TNKS: variants seen among roughly 807,000 people sequenced by gnomAD.
TNKS encodes tankyrase.
Under a neutral mutation model 135.8 loss-of-function variants are expected in TNKS, and 72 were observed. The observed-to-expected ratio is 0.53, with a 90% CI of 0.44 to 0.64. The LOEUF (loss-of-function observed/expected upper bound fraction) is 0.64. TNKS is among the 30% of genes least tolerant of loss of function. The pLI, the probability that TNKS is intolerant of heterozygous loss-of-function variation, is 0.00. For synonymous variants in TNKS, 849 were observed against 649.3 expected (o/e 1.31, Z -4.68); for missense variants, 1,769 against 1,674.0 (o/e 1.06, Z -0.99).
intron 5 of TNKS, among the ~76,000 whole-genome samples, chr8:9,702,080 A>G (rs887738494): frequency 3.3e-5 from 5 of 152,204 alleles, no homozygotes; most frequent in African/African-American, 1.2e-4. Flanking sequence ...CCTACACTAA[A>G]GGCTGCTCTG....
chr8:9,694,994 A>T (rs1219125348), intron 5 of TNKS, among the ~76,000 whole-genome samples: 1 of 152,188 alleles, frequency 6.6e-6, no homozygotes, highest in East Asian at 1.9e-4. Context: ...GCATTATCAG[A>T]GCAAGGAAAC....
At chr8:9,657,916 T>A (rs1193914724) in intron 3 of TNKS, among the ~76,000 whole-genome samples, 3 of 97,254 alleles carry the variant, frequency 3.1e-5, no homozygotes, top group Non-Finnish European at 6.5e-5. Flanking sequence ...GTCTCCTCAC[T>A]TCTCAGACGG....
intron 17 of TNKS, among the ~76,000 whole-genome samples, chr8:9,739,056 G>A (rs1312508622): frequency 6.6e-6 from 1 of 150,658 alleles, no homozygotes; most frequent in Non-Finnish European, 1.5e-5. Context: ...TGACAAATGG[G>A]ATCTAATTAA....
At chr8:9,603,798 G>A (rs865905521) in intron 2 of TNKS, among the ~76,000 whole-genome samples, 1 of 152,064 alleles carries the variant, frequency 6.6e-6, no homozygotes, top group Non-Finnish European at 1.5e-5. Flanking sequence ...ATGTTCTCAA[G>A]AGAAACATAA....
intron 17 of TNKS, among the ~76,000 whole-genome samples, chr8:9,746,662 C>T (rs1049941576): frequency 2.0e-5 from 3 of 152,154 alleles, no homozygotes; most frequent in Admixed American, 6.5e-5. Flanking sequence ...TTCGTAATCT[C>T]CCTGGAGCCC....
At position 9,726,733 on chromosome 8, in the gene TNKS, C is replaced by T. The variant is rs1259294597; in HGVS notation, c.2001+13C>T. The T allele has an allele frequency of 6.2e-7, 1 of 1,602,094 alleles. No homozygotes were observed. The highest frequency in any genetic ancestry group is 8.5e-7 in the Non-Finnish European group (1 of 1,171,480). Reference sequence around the variant, plus strand: ...GGAAACTGTGAAGGTAAGTCAGTGCCCTTAATATCTGGAATAGCACTGTTG... The same window carrying T: ...GGAAACTGTGAAGGTAAGTCAGTGCTCTTAATATCTGGAATAGCACTGTTG... On this transcript the variant is annotated intron_variant, in intron 13 of 26. Transcript: ENST00000310430.
intron 25 of TNKS, among the ~76,000 whole-genome samples, chr8:9,767,023 T>A (rs1357802202): frequency 6.6e-6 from 1 of 152,194 alleles, no homozygotes; most frequent in Non-Finnish European, 1.5e-5. Flanking sequence ...TCCTCTGTAA[T>A]CAGAATATGG....
At chr8:9,611,372 G>C (rs1483997522) in intron 2 of TNKS, among the ~76,000 whole-genome samples, 2 of 152,098 alleles carry the variant, frequency 1.3e-5, no homozygotes, top group Admixed American at 6.5e-5. Flanking sequence ...TTTGTACATT[G>C]TTGGTGTATT....
intron 1 of TNKS, among the ~76,000 whole-genome samples, chr8:9,561,772 C>T (rs1444889290): frequency 6.6e-6 from 1 of 152,112 alleles, no homozygotes; most frequent in African/African-American, 2.4e-5. Context: ...TAAGAAACTG[C>T]CAACACCTTT....
Position 9,780,809 on chromosome 8 carries a change from T to C in TNKS, c.*4073T>C, listed in dbSNP as rs1031616616. On this transcript the variant is annotated 3_prime_UTR_variant, in exon 27 of 27. Coordinates refer to ENST00000310430, the MANE Select transcript of TNKS (RefSeq NM_003747.3). ...ATGATGGTATATTTCATAAGTAATA[T>C]TCCCTTACATGCAATGGAGCTGATT... is the stretch of plus-strand genomic sequence containing the variant. The C allele has an allele frequency of 6.6e-6, 1 of 152,198 alleles. No homozygotes were observed. Among genetic ancestry groups the C allele is most frequent in the Non-Finnish European group, 1.5e-5 (1 of 68,028 alleles). The allele number at this position is 152,198 out of a possible 1,614,324, so 9.4% of individuals were successfully genotyped here.
At chr8:9,769,701 G>C (rs1187076869) in intron 25 of TNKS, among the ~76,000 whole-genome samples, 6 of 138,532 alleles carry the variant, frequency 4.3e-5, no homozygotes, top group African/African-American at 1.6e-4. Context: ...CTCACTGCAA[G>C]CTCCACCTCC....
At chr8:9,653,579 C>T (rs543195630) in intron 3 of TNKS, among the ~76,000 whole-genome samples, 1 of 152,126 alleles carries the variant, frequency 6.6e-6, no homozygotes. Context: ...CACTTTATAA[C>T]AACTCACTCT....
chr8:9,645,307 A>G (rs995215553), intron 3 of TNKS, among the ~76,000 whole-genome samples: 6 of 152,174 alleles, frequency 3.9e-5, no homozygotes, highest in Non-Finnish European at 7.4e-5. Context: ...AGAGAAGCCC[A>G]TTCATACTGG....
chr8:9,609,938 A>C (rs1036647462), intron 2 of TNKS, among the ~76,000 whole-genome samples: 2 of 152,038 alleles, frequency 1.3e-5, no homozygotes, highest in Non-Finnish European at 1.5e-5. Flanking sequence ...GCTCACTGCA[A>C]GCTCCACCTC....
intron 1 of TNKS, chr8:9,575,431 A>G: frequency 1.0e-6 from 1 of 985,168 alleles, no homozygotes; most frequent in Non-Finnish European, 1.2e-6. Flanking sequence ...AGATATCTAG[A>G]CTTATTCTAA....
intron 11 of TNKS, among the ~76,000 whole-genome samples, chr8:9,719,538 A>C (rs914339586): frequency 6.6e-6 from 1 of 152,240 alleles, no homozygotes; most frequent in African/African-American, 2.4e-5. Flanking sequence ...GGAGTAATCA[A>C]AGTCTTCAAG....
chr8:9,644,951 A>T (rs77146549), intron 3 of TNKS, among the ~76,000 whole-genome samples: 1,831 of 152,272 alleles, frequency 0.012, 38 homozygotes, highest in African/African-American at 0.041. Flanking sequence ...CTATAGGCCA[A>T]TGTAAGTCTT....
At chr8:9,583,501 C>CT (rs1293176686) in intron 2 of TNKS, among the ~76,000 whole-genome samples, 3 of 150,278 alleles carry the variant, frequency 2.0e-5, no homozygotes, top group African/African-American at 4.9e-5. Context: ...TTTTTTTTTC[C>CT]TTTTTTGAGA....
intron 5 of TNKS, among the ~76,000 whole-genome samples, chr8:9,696,366 A>G (rs890938071): frequency 2.0e-5 from 3 of 152,150 alleles, no homozygotes; most frequent in Non-Finnish European, 4.4e-5. Context: ...ATCGATACCA[A>G]ATAATGCTAA....
Sources: allele counts gnomAD v4.1 joint callset (sites outside exome capture counted in the v4.1 genomes callset), GRCh38; gene constraint gnomAD v4.1.1; transcripts MANE v1.5; gene names NCBI Gene and HGNC (gene_info 2026-07-23, HGNC 2026-07-21).